Variants in CHL1 observed in about 807,000 individuals in gnomAD.
CHL1 encodes neural cell adhesion molecule L1-like protein.
CHL1 carries 96 observed loss-of-function variants against 141.9 expected under a neutral mutation model. The ratio of observed to expected loss-of-function variants is 0.68; its 90% CI spans 0.57 to 0.80. CHL1 has a LOEUF of 0.80. Ranked by LOEUF, CHL1 falls within the 30% of genes least tolerant of loss-of-function variation. The pLI is 0.00. For missense variants in CHL1, 1,820 were observed against 1,457.2 expected, an observed-to-expected ratio of 1.25 and a Z score of -4.05; for synonymous variants, 613 against 502.2, an observed-to-expected ratio of 1.22 and a Z score of -2.95.
intron 2 of CHL1, among the ~76,000 whole-genome samples, chr3:281,748 T>C (rs141868998): frequency 0.02 from 2,982 of 151,994 alleles, 108 homozygotes; most frequent in African/African-American, 0.068. Flanking sequence ...TTAGTAGAGA[T>C]GGGGTTTCAC....
At position 398,147 on chromosome 3, in the gene CHL1, C is replaced by T. The variant is rs1308995638; in HGVS notation, c.3095-80C>T. The T allele has an allele frequency of 3.3e-6, 3 of 901,568 alleles. No homozygotes were observed. The African/African-American group carries it at 5.2e-5, about 15-fold the overall frequency. 55.8% of individuals were successfully genotyped at this position (901,568 alleles called of 1,614,324 possible). On this transcript the variant is annotated intron_variant, in intron 24 of 27. Coordinates refer to ENST00000256509, the MANE Select transcript of CHL1 (RefSeq NM_006614.4). ...ATATGGTATAAGTGACTTTCTTATT[C>T]ACCTCTAACAACAATATTTTTTTAT...
intron 3 of CHL1, among the ~76,000 whole-genome samples, chr3:323,864 CAAAG>C (rs1231818959): frequency 6.6e-6 from 1 of 151,960 alleles, no homozygotes; most frequent in Non-Finnish European, 1.5e-5. Flanking sequence ...GACCCTGACT[CAAAG>C]AATTAAGAAA....
intron 1 of CHL1, among the ~76,000 whole-genome samples, chr3:239,658 C>A (rs543191091): frequency 1.3e-5 from 2 of 150,660 alleles, no homozygotes; most frequent in African/African-American, 2.4e-5. Context: ...TATTTGGTTG[C>A]GTAAGTTCTT....
At chr3:337,010 G>A (rs1193848946) in intron 5 of CHL1, among the ~76,000 whole-genome samples, 6 of 151,764 alleles carry the variant, frequency 4.0e-5, no homozygotes, top group Non-Finnish European at 7.4e-5. Context: ...GTTGTTGCTA[G>A]AAATCTGTCT....
chr3:205,196 G>A (rs757296235), intron 1 of CHL1, among the ~76,000 whole-genome samples: 1 of 148,872 alleles, frequency 6.7e-6, no homozygotes, highest in Non-Finnish European at 1.5e-5. Flanking sequence ...CTGCAACCTC[G>A]AACTCCTGGG....
intron 27 of CHL1, among the ~76,000 whole-genome samples, chr3:402,044 AT>A (rs1356233233): frequency 1.6e-4 from 24 of 152,348 alleles, no homozygotes; most frequent in African/African-American, 3.4e-4. Flanking sequence ...ACACACGCAT[AT>A]CTGTATACCT....
At chr3:216,148 A>G (rs1575615854) in intron 1 of CHL1, among the ~76,000 whole-genome samples, 1 of 152,232 alleles carries the variant, frequency 6.6e-6, no homozygotes, top group African/African-American at 2.4e-5. Flanking sequence ...TTTAAAAGGG[A>G]TAAAACTAAT....
At chr3:234,081 A>T (rs1023842903) in intron 1 of CHL1, among the ~76,000 whole-genome samples, 10 of 152,068 alleles carry the variant, frequency 6.6e-5, no homozygotes, top group Non-Finnish European at 8.8e-5. Context: ...ATGTGTGTAT[A>T]TGAGTGTAGC....
At chr3:313,058 C>T (rs1010778584) in intron 2 of CHL1, among the ~76,000 whole-genome samples, 2 of 152,058 alleles carry the variant, frequency 1.3e-5, no homozygotes, top group African/African-American at 2.4e-5. Flanking sequence ...GGAATGTCAA[C>T]GTAGCATGCT....
chr3:266,485 T>C (rs1695163840), intron 2 of CHL1, among the ~76,000 whole-genome samples: 1 of 152,134 alleles, frequency 6.6e-6, no homozygotes, highest in Non-Finnish European at 1.5e-5. Flanking sequence ...TTAATAAAAA[T>C]TATGAGCAAA....
In CHL1 at chr3:295,862, T is replaced by C. The variant is rs17275415; in HGVS notation, c.-94-23821T>C. ...CAGGGTTGCTCCGTTGCCAGGCTTA[T>C]GTTTTAAGCGACGATTGAGTGTACA... is the stretch of plus-strand genomic sequence containing the variant. On this transcript the variant is annotated intron_variant, in intron 2 of 27. Coordinates refer to ENST00000256509, the MANE Select transcript of CHL1 (RefSeq NM_006614.4). 4.2e-3 allele frequency among the ~76,000 whole-genome samples: 641 copies of C among 152,336 alleles called. 4 individuals are homozygous for C. Among genetic ancestry groups the C allele is most frequent in the South Asian group, 0.017 (81 of 4,826 alleles).
At chr3:339,651 A>C (rs569960484) in intron 5 of CHL1, among the ~76,000 whole-genome samples, 1 of 152,326 alleles carries the variant, frequency 6.6e-6, no homozygotes, top group African/African-American at 2.4e-5. Flanking sequence ...AAAGCAATTC[A>C]CTGTAACCAG....
intron 2 of CHL1, among the ~76,000 whole-genome samples, chr3:276,851 T>C (rs1295588696): frequency 1.5e-5 from 2 of 132,390 alleles, no homozygotes; most frequent in East Asian, 2.3e-4. Flanking sequence ...ATCATGCCAC[T>C]GCACTCCAGC....
intron 2 of CHL1, among the ~76,000 whole-genome samples, chr3:314,368 T>TATATATATATA (rs1368911821): frequency 3.7e-5 from 5 of 134,054 alleles, no homozygotes; most frequent in African/African-American, 1.4e-4. Context: ...TATATATATA[T>TATATATATATA]ATCTGCTTCA....
rs139581489 is a variant in CHL1 at position 328,383 on chromosome 3, A to G, written c.385+29A>G. 7.7e-6 allele frequency: 12 copies of G among 1,562,742 alleles called. No homozygotes were observed. The East Asian group carries it at 2.5e-4, about 33-fold the overall frequency. On this transcript the variant is annotated intron_variant, in intron 5 of 27. Coordinates refer to ENST00000256509, the MANE Select transcript of CHL1 (RefSeq NM_006614.4). ...AGTACTATAACGGGAATTTCATTTT[A>G]CAAGTGTTTTAGTGAAGTGTTAAAT...
chr3:365,239 C>G (rs750720816), intron 14 of CHL1, among the ~76,000 whole-genome samples: 2 of 152,156 alleles, frequency 1.3e-5, no homozygotes, highest in African/African-American at 4.8e-5. Flanking sequence ...AAGGATTGCA[C>G]GTTTTGAAAC....
In CHL1 at chr3:390,718, G is replaced by A. The variant is rs191451500; in HGVS notation, c.2488G>A (p.Val830Met). The change falls in exon 21 of 28, where the codon GTG (valine) becomes ATG (methionine). Residue 830 changes from valine (V) to methionine (M), a missense_variant. Val to Met is a conservative substitution (Grantham distance 21, BLOSUM62 1). Transcript: ENST00000256509. Reference sequence around the variant, plus strand: ...ATTAACAGATCCTGATACAGCTCCAGTGATCCATGGGGTGGACGTTATAAA... The same window carrying A: ...ATTAACAGATCCTGATACAGCTCCAATGATCCATGGGGTGGACGTTATAAA... ...SGEDYPDTAP[V>M]IHGVDVINST... is the part of the protein sequence containing the mutation. The A allele has an allele frequency of 1.9e-5, 31 of 1,594,504 alleles. No individual in the cohort carries two copies. Among genetic ancestry groups the A allele is most frequent in the Middle Eastern group, 3.3e-4 (2 of 6,026 alleles).
chr3:252,956 T>C (rs761718199), intron 2 of CHL1, among the ~76,000 whole-genome samples: 4 of 152,084 alleles, frequency 2.6e-5, no homozygotes, highest in Non-Finnish European at 5.9e-5. Context: ...TGTAACTATA[T>C]AGAAATGAAC....
At chr3:390,887 T>A in intron 21 of CHL1, 68 bp from the exon 22 acceptor site, 2 of 1,526,824 alleles carry the variant, frequency 1.3e-6, no homozygotes, top group South Asian at 2.3e-5. Flanking sequence ...AAGAATTGAT[T>A]TCAGAAGAAG....
Sources: allele counts gnomAD v4.1 joint callset (sites outside exome capture counted in the v4.1 genomes callset), GRCh38; gene constraint gnomAD v4.1.1; transcripts MANE v1.5; gene names NCBI Gene and HGNC (gene_info 2026-07-23, HGNC 2026-07-21).